SLC34A2: variants seen among roughly 807,000 people sequenced by gnomAD.
SLC34A2 encodes the protein sodium-dependent phosphate transport protein 2B.
A neutral mutation model predicts 50.8 loss-of-function variants in SLC34A2; 41 were observed. The ratio of observed to expected loss-of-function variants is 0.81; its 90% CI spans 0.63 to 1.05. SLC34A2 has a LOEUF of 1.05. SLC34A2 is among the 50% of genes least tolerant of loss of function. SLC34A2 has a pLI of 0.00. For missense variants in SLC34A2, 879 were observed against 876.7 expected, an observed-to-expected ratio of 1.00 and a Z score of -0.03; for synonymous variants, 401 against 364.2, an observed-to-expected ratio of 1.10 and a Z score of -1.15.
intron 1 of SLC34A2, among the ~76,000 whole-genome samples, chr4:25,658,819 G>A (rs914632783): frequency 3.9e-5 from 6 of 152,122 alleles, no homozygotes; most frequent in South Asian, 4.2e-4. Context: ...CAGTGGTTGC[G>A]CCAGGGCTAT....
intron 9 of SLC34A2, 102 bp from the exon 10 acceptor site, chr4:25,672,985 A>G: frequency 7.6e-7 from 1 of 1,314,560 alleles, no homozygotes; most frequent in Non-Finnish European, 1.1e-6. Context: ...ACTAACAACC[A>G]GGAATCTGTT....
Position 25,670,818 on chromosome 4 carries a change from A to C in SLC34A2, c.912A>C (p.Lys304Asn). 1 of 1,613,770 alleles carries C rather than the reference A, an allele frequency of 6.2e-7. No individual in the cohort carries two copies. Among genetic ancestry groups the C allele is most frequent in the Non-Finnish European group, 8.5e-7 (1 of 1,179,660 alleles). The change falls in exon 8 of 13, where the codon AAA (lysine) becomes AAC (asparagine). Residue 304 changes from lysine to asparagine, a missense_variant. Coordinates refer to ENST00000382051, the MANE Select transcript of SLC34A2 (RefSeq NM_006424.3). ...KNKSLVKIWC[K>N]TFTNKTQINV... The stretch of plus-strand genomic sequence containing the variant: ...AGAGTCTTGTCAAGATTTGGTGCAA[A>C]ACTTTTACCAACAAGGTACGTTTCC...
Position 25,671,586 on chromosome 4 carries a change from A to C in SLC34A2, c.928-15A>C. 1 of 1,613,944 alleles carries C rather than the reference A, an allele frequency of 6.2e-7. No individual in the cohort carries two copies. Among genetic ancestry groups the C allele is most frequent in the Non-Finnish European group, 8.5e-7 (1 of 1,179,960 alleles). ...AAAGCCAGTGTTGTGGGCATTTGTCATGTTTGTCATCCAGACCCAGATTAA... is the reference window on the plus strand; with the variant it reads ...AAAGCCAGTGTTGTGGGCATTTGTCCTGTTTGTCATCCAGACCCAGATTAA... On this transcript the variant is annotated splice_polypyrimidine_tract_variant and intron_variant, in intron 8 of 12. Transcript: ENST00000382051.
intron 1 of SLC34A2, among the ~76,000 whole-genome samples, chr4:25,659,947 G>T (rs1271560027): frequency 6.6e-6 from 1 of 152,224 alleles, no homozygotes; most frequent in African/African-American, 2.4e-5. Flanking sequence ...ATGGGAAAAA[G>T]AAGTGCTTTA....
intron 6 of SLC34A2, 99 bp downstream of exon 6, chr4:25,668,090 G>T: frequency 2.5e-6 from 2 of 799,132 alleles, no homozygotes; most frequent in Non-Finnish European, 4.4e-6. Flanking sequence ...ATGCTTATCA[G>T]GTTCATTCCT....
chr4:25,667,958 T>C lies in SLC34A2; in HGVS notation c.602T>C (p.Leu201Pro). The C allele has an allele frequency of 6.2e-7, 1 of 1,613,730 alleles. No individual in the cohort carries two copies. The highest frequency in any genetic ancestry group is 1.1e-5 in the South Asian group (1 of 91,068). ...GTSITNTIVA[L>P]MQVGDRSEFR... Reference sequence around the variant, plus strand: ...TCAATCACCAACACTATTGTTGCGCTCATGCAGGTGGGAGATCGGAGTGAG... The same window carrying C: ...TCAATCACCAACACTATTGTTGCGCCCATGCAGGTGGGAGATCGGAGTGAG... The change falls in exon 6 of 13, where the codon CTC (leucine) becomes CCC (proline). Residue 201 changes from leucine to proline, a missense_variant. Physicochemically the swap from Leu to Pro is moderately conservative, Grantham distance 98 (BLOSUM62 -3). Coordinates refer to ENST00000382051, the MANE Select transcript of SLC34A2 (RefSeq NM_006424.3).
rs896968578 is a variant in SLC34A2, at chr4:25,671,711, C to T, written c.1038C>T (p.Asn346=). 2 of 1,614,198 alleles carry T rather than the reference C, an allele frequency of 1.2e-6. No homozygotes were observed. Among genetic ancestry groups the T allele is most frequent in the Admixed American group, 1.7e-5 (1 of 60,022 alleles). Residue 346 remains asparagine (N), a synonymous_variant, in exon 9 of 13, where the codon AAC becomes AAT. Transcript: ENST00000382051. Reference sequence around the variant, plus strand: ...TGAAGAATGTGACCTACAAGGAGAACATCGCCAAATGTGAGTGGAGCTCAG... The same window carrying T: ...TGAAGAATGTGACCTACAAGGAGAATATCGCCAAATGTGAGTGGAGCTCAG... ...WTMKNVTYKE[N]IAKCQHIFVN...
chr4:25,669,786 G>T lies in SLC34A2; in HGVS notation c.775G>T (p.Asp259Tyr), dbSNP rs1368069917. The change falls in exon 7 of 13, where the codon GAT (aspartate) becomes TAT (tyrosine). Residue 259 changes from aspartate (D) to tyrosine (Y), a missense_variant. By Grantham distance (160) the Asp-to-Tyr change is radical. Coordinates refer to ENST00000382051, the MANE Select transcript of SLC34A2 (RefSeq NM_006424.3). ...GAGCTTCCACTTCAAGAATGGAGAAGATGCCCCAGATCTTCTGAAAGTCAT... is the reference window on the plus strand; with the variant it reads ...GAGCTTCCACTTCAAGAATGGAGAATATGCCCCAGATCTTCTGAAAGTCAT... ...VESFHFKNGE[D>Y]APDLLKVITK... The T allele has an allele frequency of 6.2e-7, 1 of 1,614,186 alleles. No homozygotes were observed.
chr4:25,677,254 G>T lies in SLC34A2; in HGVS notation c.*505G>T, dbSNP rs1014615802. ...TTGCCCCAGATCAGCCTGGGTCAGG[G>T]GACATAGTGTCATTGTTTGGAAACT... On this transcript the variant is annotated 3_prime_UTR_variant, in exon 13 of 13. Coordinates refer to ENST00000382051, the MANE Select transcript of SLC34A2 (RefSeq NM_006424.3). 8.3e-5 allele frequency: 14 copies of T among 168,714 alleles called. No homozygotes were observed. Among genetic ancestry groups the T allele is most frequent in the East Asian group, 1.4e-4 (1 of 7,082 alleles). The allele number at this position is 168,714 out of a possible 1,614,324, so 10.5% of individuals were successfully genotyped here.
In SLC34A2 at chr4:25,676,633, G is replaced by C. The variant is rs1560244077; in HGVS notation, c.1957G>C (p.Glu653Gln). The C allele has an allele frequency of 2.5e-6, 4 of 1,614,144 alleles. No individual in the cohort carries two copies. The Middle Eastern group carries it at 4.9e-4, about 200-fold the overall frequency. The change falls in exon 13 of 13, where the codon GAG becomes CAG. Residue 653 changes from glutamate (E) to glutamine (Q), a missense_variant. Coordinates refer to ENST00000382051, the MANE Select transcript of SLC34A2 (RefSeq NM_006424.3). The part of the protein sequence containing the change: ...KCCEDLEEAQ[E>Q]GQDVPVKAPE... ...CTGCGAGGACTTGGAGGAGGCGCAG[G>C]AGGGGCAGGATGTCCCTGTCAAGGC... is the stretch of plus-strand genomic sequence containing the variant.
chr4:25,674,037 G>T (rs1436425096), intron 10 of SLC34A2, among the ~76,000 whole-genome samples: 1 of 152,214 alleles, frequency 6.6e-6, no homozygotes, highest in Non-Finnish European at 1.5e-5. Context: ...ACTTGGGTGG[G>T]TTCACTCTTT....
Position 25,658,712 on chromosome 4 carries a change from A to C in SLC34A2, c.-4+2822A>C, listed in dbSNP as rs1371890552. Among the ~76,000 whole-genome samples the C allele has an allele frequency of 2.0e-5, 3 of 152,200 alleles. No individual in the cohort carries two copies. In the East Asian group the frequency reaches 5.8e-4, roughly 29 times the overall value. ...AGCCCCTCCCTGGGCTTTAGTAAAA[A>C]GCTTCCAAATGATGACTTCTCCCTT... On this transcript the variant is annotated intron_variant, in intron 1 of 12. Coordinates refer to ENST00000382051, the MANE Select transcript of SLC34A2 (RefSeq NM_006424.3).
Position 25,671,174 on chromosome 4 carries a change from C to T in SLC34A2, c.927+341C>T, listed in dbSNP as rs532517713. 1.3e-3 allele frequency among the ~76,000 whole-genome samples: 198 copies of T among 152,276 alleles called. No homozygotes were observed. In the South Asian group the frequency reaches 0.016, roughly 12 times the overall value. On this transcript the variant is annotated intron_variant, in intron 8 of 12. Transcript: ENST00000382051. Reference sequence around the variant, plus strand: ...TGTGGAAGTAGTCCAGCACGCCCTACGGGTGTTGGCAGCAAGTGTCCTCTC... The same window carrying T: ...TGTGGAAGTAGTCCAGCACGCCCTATGGGTGTTGGCAGCAAGTGTCCTCTC...
intron 12 of SLC34A2, 48 bp from the exon 13 acceptor site, chr4:25,676,087 C>A (rs755121795): frequency 1.5e-5 from 24 of 1,610,052 alleles, no homozygotes; most frequent in Non-Finnish European, 2.0e-5. Flanking sequence ...CTACTGCCAC[C>A]CGCATTGGGC....
chr4:25,670,752 T>C lies in SLC34A2; in HGVS notation c.846T>C (p.Val282=). ...TGTTTCCACAGCTGGATAAAAAAGTTATCAGCCAAATTGCAATGAACGATG... is the reference window on the plus strand; with the variant it reads ...TGTTTCCACAGCTGGATAAAAAAGTCATCAGCCAAATTGCAATGAACGATG... The part of the protein sequence containing the change: ...TKLIVQLDKK[V]ISQIAMNDEK... Residue 282 remains valine (V), a synonymous_variant, in exon 8 of 13, where the codon GTT becomes GTC. Coordinates refer to ENST00000382051, the MANE Select transcript of SLC34A2 (RefSeq NM_006424.3). 1 of 1,613,844 alleles carries C rather than the reference T, an allele frequency of 6.2e-7. No homozygotes were observed. The highest frequency in any genetic ancestry group is 8.5e-7 in the Non-Finnish European group (1 of 1,179,760).
chr4:25,662,364 C>T, intron 1 of SLC34A2, 134 bp from the exon 2 acceptor site: 1 of 735,424 alleles, frequency 1.4e-6, no homozygotes. Context: ...GAAATCTTTC[C>T]CTTCCTTTTA....
Position 25,674,627 on chromosome 4 carries a change from C to T in SLC34A2, c.1456C>T (p.Gln486Ter). Reference protein sequence around the residue: ...SPGNALRSSLQIALCHFFFNI... With the variant: ...SPGNALRSSL ...TGGCAATGCATTGAGGAGTTCACTC[C>T]AGGTCAGGACTTGGGGCACGGGGAC... Residue 486 changes from glutamine to a stop codon, truncating the protein, a stop_gained and splice_region_variant, in exon 12 of 13, where the codon CAG becomes TAG. Transcript: ENST00000382051. LOFTEE classifies it low-confidence loss of function (END_TRUNC). 6.2e-7 allele frequency: 1 copy of T among 1,614,204 alleles called. No homozygotes were observed. Among genetic ancestry groups the T allele is most frequent in the Non-Finnish European group, 8.5e-7 (1 of 1,180,022 alleles).
intron 12 of SLC34A2, among the ~76,000 whole-genome samples, chr4:25,675,779 G>T (rs563123301): frequency 1.3e-5 from 2 of 152,180 alleles, no homozygotes; most frequent in Admixed American, 6.5e-5. Flanking sequence ...GTGACCAAGC[G>T]CCTGGCCTCT....
intron 5 of SLC34A2, 36 bp downstream of exon 5, chr4:25,666,307 A>T: frequency 6.2e-7 from 1 of 1,611,506 alleles, no homozygotes; most frequent in Non-Finnish European, 8.5e-7. Context: ...CCTGCATTCC[A>T]GACACTCTCC....
Sources: allele counts gnomAD v4.1 joint callset (sites outside exome capture counted in the v4.1 genomes callset), GRCh38; gene constraint gnomAD v4.1.1; transcripts MANE v1.5; gene names NCBI Gene and HGNC (gene_info 2026-07-23, HGNC 2026-07-21).